The following HEMK2 variants were observed in gnomAD, a reference collection of about 807,000 sequenced individuals.
HEMK2 encodes the protein HemK methyltransferase 2, ETF1 glutamine and histone H4 lysine.
the HEMK2 span, among the ~76,000 whole-genome samples, chr21:28,608,778 G>A: frequency 2.0e-5 from 3 of 152,118 alleles, no homozygotes; most frequent in Non-Finnish European, 2.9e-5. Context: ...GAGGCCTGTG[G>A]CTGCCAGCTT....
At chr21:28,618,378 A>T in the HEMK2 span, among the ~76,000 whole-genome samples, 1 of 152,316 alleles carries the variant, frequency 6.6e-6, no homozygotes, top group African/African-American at 2.4e-5. Context: ...TTTTCTTGTA[A>T]TTACCATGCA....
the HEMK2 span, chr21:28,674,591 A>G: frequency 3.3e-5 from 5 of 152,326 alleles, no homozygotes; most frequent in African/African-American, 1.2e-4. Flanking sequence ...TGATTGCCCA[A>G]CTGCATTAAT....
At chr21:28,685,865 T>C in the HEMK2 span, among the ~76,000 whole-genome samples, 176 of 152,222 alleles carry the variant, frequency 1.2e-3, 1 homozygote, top group African/African-American at 4.0e-3. Flanking sequence ...CCACACAACT[T>C]TGCTAACTGG....
At chr21:28,606,883 G>A in the HEMK2 span, among the ~76,000 whole-genome samples, 1 of 152,170 alleles carries the variant, frequency 6.6e-6, no homozygotes, top group African/African-American at 2.4e-5. Flanking sequence ...TAACCTATTA[G>A]TGATTTTCTC....
chr21:28,652,524 C>T, the HEMK2 span, among the ~76,000 whole-genome samples: 1 of 151,928 alleles, frequency 6.6e-6, no homozygotes, highest in Non-Finnish European at 1.5e-5. Context: ...GAAGTCCCAG[C>T]TGTCACAGAC....
chr21:28,755,337 G>T, the HEMK2 span, among the ~76,000 whole-genome samples: 1 of 152,198 alleles, frequency 6.6e-6, no homozygotes, highest in Admixed American at 6.5e-5. Flanking sequence ...AAACATGTGT[G>T]TCCACCACGT....
At chr21:28,697,341 C>T in the HEMK2 span, among the ~76,000 whole-genome samples, 1 of 152,142 alleles carries the variant, frequency 6.6e-6, no homozygotes, top group East Asian at 1.9e-4. Context: ...AAAATGCTGC[C>T]AGTCTCTTTG....
the HEMK2 span, among the ~76,000 whole-genome samples, chr21:28,799,518 T>A: frequency 1.4e-3 from 209 of 152,192 alleles, 1 homozygote; most frequent in East Asian, 0.017. Context: ...CCAGAGTGAG[T>A]CTGCATTCAT....
At chr21:28,615,899 G>A in the HEMK2 span, among the ~76,000 whole-genome samples, 1 of 152,138 alleles carries the variant, frequency 6.6e-6, no homozygotes, top group Non-Finnish European at 1.5e-5. Flanking sequence ...ATAAATCACA[G>A]GAAGTCTAAG....
chr21:28,613,961 C>T, the HEMK2 span, among the ~76,000 whole-genome samples: 2 of 152,010 alleles, frequency 1.3e-5, 1 homozygote, highest in South Asian at 4.1e-4. Flanking sequence ...GGTTCAAGTG[C>T]AGTGCTATGT....
At chr21:28,833,247 C>T in the HEMK2 span, among the ~76,000 whole-genome samples, 4 of 152,144 alleles carry the variant, frequency 2.6e-5, no homozygotes, top group East Asian at 1.9e-4. Context: ...GAAATAAAAC[C>T]GCACAGAATT....
At chr21:28,582,177 G>A in the HEMK2 span, among the ~76,000 whole-genome samples, 1 of 152,170 alleles carries the variant, frequency 6.6e-6, no homozygotes, top group Non-Finnish European at 1.5e-5. Context: ...TCAGTTTTCT[G>A]TTTGGGGACC....
the HEMK2 span, among the ~76,000 whole-genome samples, chr21:28,782,692 G>A: frequency 5.3e-5 from 8 of 152,270 alleles, no homozygotes; most frequent in East Asian, 7.7e-4. Context: ...GGGGATAAAC[G>A]GAGAGTGATT....
At chr21:28,669,587 T>C in the HEMK2 span, among the ~76,000 whole-genome samples, 44 of 152,164 alleles carry the variant, frequency 2.9e-4, no homozygotes, top group Non-Finnish European at 5.6e-4. Flanking sequence ...GATCTGTACC[T>C]TGAGAACAGC....
the HEMK2 span, among the ~76,000 whole-genome samples, chr21:28,633,201 C>T: frequency 6.6e-6 from 1 of 152,142 alleles, no homozygotes; most frequent in East Asian, 1.9e-4. Flanking sequence ...AAGGGCAAGG[C>T]TGGGTCTCTA....
chr21:28,790,618 T>C, the HEMK2 span, among the ~76,000 whole-genome samples: 142 of 152,254 alleles, frequency 9.3e-4, no homozygotes, highest in African/African-American at 3.3e-3. Flanking sequence ...GTAAGGGATC[T>C]ATCCATAGTC....
At chr21:28,831,734 G>GGAAGGAAGGAAGGAAGGAAA in the HEMK2 span, among the ~76,000 whole-genome samples, 1 of 13,652 alleles carries the variant, frequency 7.3e-5, no homozygotes, top group Admixed American at 9.0e-4. Flanking sequence ...AAGGAAGGAA[G>GGAAGGAAGGAAGGAAGGAAA]GAAAGAAAGA....
At chr21:28,814,453 G>A in the HEMK2 span, among the ~76,000 whole-genome samples, 2 of 151,222 alleles carry the variant, frequency 1.3e-5, no homozygotes, top group Admixed American at 6.6e-5. Flanking sequence ...GCAACCTACA[G>A]AATGGGAGAA....
chr21:28,817,797 A>T, the HEMK2 span, among the ~76,000 whole-genome samples: 2 of 152,154 alleles, frequency 1.3e-5, no homozygotes, highest in Non-Finnish European at 2.9e-5. Flanking sequence ...AGTAATCAAA[A>T]ACACAGATGG....
Sources: allele counts gnomAD v4.1 joint callset (sites outside exome capture counted in the v4.1 genomes callset), GRCh38; gene constraint gnomAD v4.1.1; transcripts MANE v1.5; gene names NCBI Gene and HGNC (gene_info 2026-07-23, HGNC 2026-07-21).